BMPR1B: variants seen among roughly 807,000 people sequenced by gnomAD.
BMPR1B encodes the protein bone morphogenetic protein receptor type-1B.
In BMPR1B, 12 loss-of-function variants were observed where a neutral mutation model predicts 59.1. The observed-to-expected ratio is 0.20, with a 90% CI of 0.13 to 0.33. The LOEUF is 0.33. Ranked by LOEUF, BMPR1B falls within the 10% of genes least tolerant of loss-of-function variation. The pLI is 1.00. For synonymous variants in BMPR1B, 237 were observed against 207.3 expected (o/e 1.14, Z -1.23); for missense variants, 550 against 610.9 (o/e 0.90, Z 1.05).
At chr4:95,106,336 A>T (rs146902588) in intron 4 of BMPR1B, among the ~76,000 whole-genome samples, 1 of 152,030 alleles carries the variant, frequency 6.6e-6, no homozygotes, top group Non-Finnish European at 1.5e-5. Flanking sequence ...AGAATATTGG[A>T]TGTATTAGAA....
intron 1 of BMPR1B, among the ~76,000 whole-genome samples, chr4:94,815,233 T>G (rs533613063): frequency 1.3e-5 from 2 of 152,308 alleles, no homozygotes; most frequent in South Asian, 2.1e-4. Flanking sequence ...TTAGACCTGT[T>G]CACTTGCACA....
intron 1 of BMPR1B, among the ~76,000 whole-genome samples, chr4:94,770,998 A>G (rs953319021): frequency 1.3e-5 from 2 of 152,144 alleles, no homozygotes; most frequent in African/African-American, 4.8e-5. Flanking sequence ...GAAATTTGTC[A>G]AATTGCTAAG....
intron 1 of BMPR1B, among the ~76,000 whole-genome samples, chr4:94,844,223 T>TTGTGTG (rs150471976): frequency 0.015 from 2,267 of 146,632 alleles, 24 homozygotes; most frequent in Middle Eastern, 0.028. Flanking sequence ...TGAATCATCT[T>TTGTGTG]TGTGTGTGTG....
intron 3 of BMPR1B, among the ~76,000 whole-genome samples, chr4:95,022,625 T>A (rs573199511): frequency 6.6e-6 from 1 of 152,268 alleles, no homozygotes; most frequent in Non-Finnish European, 1.5e-5. Flanking sequence ...TGAGCTTTAA[T>A]GTTATGTTCT....
chr4:94,906,807 CTA>C (rs1728059776), intron 2 of BMPR1B, among the ~76,000 whole-genome samples: 1 of 151,976 alleles, frequency 6.6e-6, no homozygotes, highest in Non-Finnish European at 1.5e-5. Flanking sequence ...AGTTTGAAAA[CTA>C]TAGTTTTTAT....
At chr4:95,071,870 A>G (rs181154324) in intron 3 of BMPR1B, among the ~76,000 whole-genome samples, 4 of 151,986 alleles carry the variant, frequency 2.6e-5, no homozygotes, top group Non-Finnish European at 2.9e-5. Flanking sequence ...ACACTTTGTT[A>G]ACTGTTAATT....
At chr4:94,999,427 CGTGT>C (rs70946577) in intron 3 of BMPR1B, among the ~76,000 whole-genome samples, 68 of 148,504 alleles carry the variant, frequency 4.6e-4, no homozygotes, top group East Asian at 7.9e-4. Flanking sequence ...CAGTGTTGTG[CGTGT>C]GTGTGTGTGT....
intron 3 of BMPR1B, 170 bp from the exon 4 acceptor site, chr4:95,104,238 T>G: frequency 2.8e-6 from 2 of 721,214 alleles, no homozygotes; most frequent in Non-Finnish European, 2.3e-6. Flanking sequence ...AGGTGTATAC[T>G]AGGTAAAAGA....
intron 10 of BMPR1B, among the ~76,000 whole-genome samples, chr4:95,141,779 G>C (rs897344324): frequency 2.0e-5 from 3 of 152,054 alleles, no homozygotes; most frequent in African/African-American, 7.2e-5. Context: ...ATAAATCCTG[G>C]CTTAGGGCTC....
intron 3 of BMPR1B, among the ~76,000 whole-genome samples, chr4:95,079,762 C>G (rs1345831612): frequency 6.6e-6 from 1 of 150,988 alleles, no homozygotes; most frequent in South Asian, 2.1e-4. Context: ...AAAAAACATG[C>G]AGAAGAAACA....
intron 1 of BMPR1B, among the ~76,000 whole-genome samples, chr4:94,843,797 T>C (rs771457165): frequency 3.9e-5 from 6 of 152,186 alleles, no homozygotes; most frequent in African/African-American, 7.2e-5. Flanking sequence ...TCTGTTCTCA[T>C]TGAGGTGCAG....
intron 2 of BMPR1B, among the ~76,000 whole-genome samples, chr4:94,971,070 A>C (rs923936306): frequency 6.6e-6 from 1 of 152,216 alleles, no homozygotes; most frequent in African/African-American, 2.4e-5. Flanking sequence ...ATGGTGGTGC[A>C]GCAATATCAA....
At chr4:95,040,216 G>T (rs1258959383) in intron 3 of BMPR1B, among the ~76,000 whole-genome samples, 1 of 152,080 alleles carries the variant, frequency 6.6e-6, no homozygotes, top group Non-Finnish European at 1.5e-5. Flanking sequence ...TTTCCAAATA[G>T]TTGAAAACAG....
At chr4:95,032,708 T>TAA (rs1724959350) in intron 3 of BMPR1B, among the ~76,000 whole-genome samples, 1 of 152,166 alleles carries the variant, frequency 6.6e-6, no homozygotes, top group Non-Finnish European at 1.5e-5. Flanking sequence ...ATTTTCTTCC[T>TAA]TTTTAAGGCT....
At chr4:95,002,909 TTTCTG>T (rs1722552595) in intron 3 of BMPR1B, among the ~76,000 whole-genome samples, 1 of 152,076 alleles carries the variant, frequency 6.6e-6, no homozygotes, top group Non-Finnish European at 1.5e-5. Context: ...GTTATTACCT[TTTCTG>T]TTATTTATAA....
At chr4:95,067,056 TTTC>T (rs1727865340) in intron 3 of BMPR1B, among the ~76,000 whole-genome samples, 1 of 152,320 alleles carries the variant, frequency 6.6e-6, no homozygotes, top group Admixed American at 6.5e-5. Flanking sequence ...GATGTATTGG[TTTC>T]TTATTTCTTT....
chr4:95,041,019 AT>A (rs1372522155), intron 3 of BMPR1B, among the ~76,000 whole-genome samples: 1 of 152,160 alleles, frequency 6.6e-6, no homozygotes, highest in African/African-American at 2.4e-5. Flanking sequence ...TCCTTAGTTG[AT>A]TAGAAAGGTC....
At chr4:94,800,346 G>C (rs536948957) in intron 1 of BMPR1B, among the ~76,000 whole-genome samples, 2 of 152,014 alleles carry the variant, frequency 1.3e-5, no homozygotes, top group Non-Finnish European at 2.9e-5. Flanking sequence ...TTCAAGGATT[G>C]GTAAAACAGG....
chr4:94,833,765 G>C (rs1578695657), intron 1 of BMPR1B, among the ~76,000 whole-genome samples: 1 of 152,156 alleles, frequency 6.6e-6, no homozygotes, highest in South Asian at 2.1e-4. Context: ...ATTGTTCTTA[G>C]CACATAGGCA....
Sources: allele counts gnomAD v4.1 joint callset (sites outside exome capture counted in the v4.1 genomes callset), GRCh38; gene constraint gnomAD v4.1.1; transcripts MANE v1.5; gene names NCBI Gene and HGNC (gene_info 2026-07-23, HGNC 2026-07-21).